FBXO4: variants seen among roughly 807,000 people sequenced by gnomAD.
FBXO4 encodes the protein F-box only protein 4.
In FBXO4, 36 loss-of-function variants were observed where a neutral mutation model predicts 43.7. That is an observed-to-expected ratio of 0.82 (90% CI 0.63 to 1.09). The LOEUF is 1.09. Ranked by LOEUF, FBXO4 falls within the 50% of genes least tolerant of loss-of-function variation. The probability of loss-of-function intolerance (pLI) is 0.00; values close to 1 mark genes in which losing one functional copy is unlikely to be tolerated. For missense variants in FBXO4, 435 were observed against 474.1 expected, an observed-to-expected ratio of 0.92 and a Z score of 0.77; for synonymous variants, 180 against 165.6, an observed-to-expected ratio of 1.09 and a Z score of -0.67.
At chr5:42,023,367 C>A in the FBXO4 span, among the ~76,000 whole-genome samples, 1 of 151,980 alleles carries the variant, frequency 6.6e-6, no homozygotes, top group Admixed American at 6.6e-5. Flanking sequence ...GGGGAATGCA[C>A]CTCCTTCAAT....
the FBXO4 span, among the ~76,000 whole-genome samples, chr5:42,005,890 G>A: frequency 3.3e-4 from 50 of 151,894 alleles, no homozygotes; most frequent in East Asian, 1.2e-3. Flanking sequence ...CCAGTGACCC[G>A]CTATTGCCTA....
At chr5:41,992,441 C>G in the FBXO4 span, among the ~76,000 whole-genome samples, 6 of 152,096 alleles carry the variant, frequency 3.9e-5, no homozygotes, top group Admixed American at 2.0e-4. Context: ...ATTTTTTACC[C>G]TTACCTTCCA....
the FBXO4 span, among the ~76,000 whole-genome samples, chr5:41,973,005 T>C: frequency 6.6e-6 from 1 of 152,274 alleles, no homozygotes; most frequent in South Asian, 2.1e-4. Context: ...TCTGGTCATA[T>C]GCCTTGGCAA....
the FBXO4 span, among the ~76,000 whole-genome samples, chr5:42,010,656 A>G: frequency 6.6e-6 from 1 of 152,150 alleles, no homozygotes; most frequent in African/African-American, 2.4e-5. Flanking sequence ...TGCTATGAAC[A>G]AGGGGGTTAT....
the FBXO4 span, among the ~76,000 whole-genome samples, chr5:42,027,851 CTT>C: frequency 6.6e-6 from 1 of 151,846 alleles, no homozygotes; most frequent in Non-Finnish European, 1.5e-5. Context: ...CAAAGTTCCT[CTT>C]GTTATTGACG....
In FBXO4 at chr5:41,941,680, A is replaced by G. The variant is rs1752008262; in HGVS notation, c.*399A>G. 1 of 158,436 alleles carries G rather than the reference A, an allele frequency of 6.3e-6. No homozygotes were observed. Among genetic ancestry groups the G allele is most frequent in the Admixed American group, 6.1e-5 (1 of 16,262 alleles). The allele number at this position is 158,436 out of a possible 1,614,324, so 9.8% of individuals were successfully genotyped here. A position where few individuals can be genotyped will look rare whatever the true frequency, so the allele number is the denominator to read the frequency against. On this transcript the variant is annotated 3_prime_UTR_variant, in exon 7 of 7. Coordinates refer to ENST00000281623, the MANE Select transcript of FBXO4 (RefSeq NM_012176.3). ...TATTCAGTCTTTTCAAGGGTTCATA[A>G]GTGGTTATCAGAAAAGAAATTTTTA...
intron 5 of FBXO4, among the ~76,000 whole-genome samples, chr5:41,935,678 G>C (rs1322781305): frequency 6.6e-6 from 1 of 152,212 alleles, no homozygotes; most frequent in Non-Finnish European, 1.5e-5. Context: ...CTGAGGCTCT[G>C]GTGCACAGGG....
the FBXO4 span, among the ~76,000 whole-genome samples, chr5:41,995,376 C>A: frequency 6.6e-6 from 1 of 152,170 alleles, no homozygotes; most frequent in African/African-American, 2.4e-5. Context: ...ATCAAGCTGC[C>A]ACTAGGTAGT....
chr5:41,972,665 C>G, the FBXO4 span, among the ~76,000 whole-genome samples: 1 of 152,134 alleles, frequency 6.6e-6, no homozygotes, highest in African/African-American at 2.4e-5. Flanking sequence ...CATTACCCAA[C>G]TTCAAACTAT....
chr5:41,998,302 C>T, the FBXO4 span, among the ~76,000 whole-genome samples: 3 of 152,204 alleles, frequency 2.0e-5, no homozygotes, highest in South Asian at 6.2e-4. Context: ...ATTACAGGCG[C>T]CTTCAAAGAT....
the FBXO4 span, among the ~76,000 whole-genome samples, chr5:42,036,300 A>T: frequency 6.6e-6 from 1 of 152,086 alleles, no homozygotes; most frequent in African/African-American, 2.4e-5. Flanking sequence ...TCTACAGAAG[A>T]AGTAGCATAT....
At chr5:42,028,090 G>C in the FBXO4 span, among the ~76,000 whole-genome samples, 2,434 of 151,828 alleles carry the variant, frequency 0.016, 123 homozygotes, top group East Asian at 0.1. Context: ...CTTTTTTGAT[G>C]TTCTGTCTGG....
At chr5:42,032,412 T>C in the FBXO4 span, among the ~76,000 whole-genome samples, 8 of 152,102 alleles carry the variant, frequency 5.3e-5, 1 homozygote, top group Admixed American at 4.6e-4. Context: ...TGGTGTTCTA[T>C]TGCACTGCAG....
At chr5:41,989,635 C>A in the FBXO4 span, among the ~76,000 whole-genome samples, 1 of 152,080 alleles carries the variant, frequency 6.6e-6, no homozygotes, top group African/African-American at 2.4e-5. Context: ...TAGTCAGGTG[C>A]TCTATATGCT....
At chr5:42,007,757 T>C in the FBXO4 span, among the ~76,000 whole-genome samples, 3 of 152,158 alleles carry the variant, frequency 2.0e-5, no homozygotes, top group African/African-American at 7.2e-5. Context: ...TAAAATATTA[T>C]GTCTTTTTGT....
chr5:41,941,664 T>C lies in FBXO4; in HGVS notation c.*383T>C, dbSNP rs1561173307. On this transcript the variant is annotated 3_prime_UTR_variant, in exon 7 of 7. Transcript: ENST00000281623. Reference sequence around the variant, plus strand: ...AATTTGCTAAACTTTCTATTCAGTCTTTTCAAGGGTTCATAAGTGGTTATC... The same window carrying C: ...AATTTGCTAAACTTTCTATTCAGTCCTTTCAAGGGTTCATAAGTGGTTATC... 1 of 167,386 alleles carries C rather than the reference T, an allele frequency of 6.0e-6. No individual in the cohort carries two copies. Among genetic ancestry groups the C allele is most frequent in the Non-Finnish European group, 1.3e-5 (1 of 76,780 alleles). The allele number at this position is 167,386 out of a possible 1,614,324, so 10.4% of individuals were successfully genotyped here. A position where few individuals can be genotyped will look rare whatever the true frequency, so the allele number is the denominator to read the frequency against.
chr5:42,025,887 T>C, the FBXO4 span, among the ~76,000 whole-genome samples: 2 of 151,990 alleles, frequency 1.3e-5, no homozygotes, highest in Non-Finnish European at 2.9e-5. Context: ...TCTTTTCTAT[T>C]CCATTGGCCT....
At chr5:42,015,468 T>A in the FBXO4 span, among the ~76,000 whole-genome samples, 1 of 152,298 alleles carries the variant, frequency 6.6e-6, no homozygotes, top group East Asian at 1.9e-4. Context: ...TTCTTCCCCA[T>A]CCTCAGATCA....
At chr5:41,955,857 A>G in the FBXO4 span, among the ~76,000 whole-genome samples, 1 of 152,208 alleles carries the variant, frequency 6.6e-6, no homozygotes, top group African/African-American at 2.4e-5. Context: ...AAATTTCATA[A>G]TTCATGTTGA....
Sources: allele counts gnomAD v4.1 joint callset (sites outside exome capture counted in the v4.1 genomes callset), GRCh38; gene constraint gnomAD v4.1.1; transcripts MANE v1.5; gene names NCBI Gene and HGNC (gene_info 2026-07-23, HGNC 2026-07-21).